The following RGS6 variants were observed in gnomAD, a reference collection of about 807,000 sequenced individuals.
The protein encoded by RGS6 is regulator of G protein signaling 6.
A neutral mutation model predicts 78.5 loss-of-function variants in RGS6; 30 were observed. The observed-to-expected ratio is 0.38, with a 90% CI of 0.29 to 0.52. The LOEUF is 0.52. Ranked by LOEUF, RGS6 falls within the 20% of genes least tolerant of loss-of-function variation. The probability of loss-of-function intolerance (pLI) is 0.85; values close to 1 mark genes in which losing one functional copy is unlikely to be tolerated. For missense variants in RGS6, 495 were observed against 609.7 expected, an observed-to-expected ratio of 0.81 and a Z score of 1.98; for synonymous variants, 206 against 206.0, an observed-to-expected ratio of 1.00 and a Z score of 0.00.
chr14:72,346,427 A>G (rs1045650983), intron 2 of RGS6, among the ~76,000 whole-genome samples: 2 of 152,182 alleles, frequency 1.3e-5, no homozygotes, highest in Non-Finnish European at 2.9e-5. Flanking sequence ...TTCTGATGCT[A>G]TCTGCCCAAC....
At chr14:72,520,254 T>C (rs2097017536) in intron 15 of RGS6, among the ~76,000 whole-genome samples, 1 of 152,240 alleles carries the variant, frequency 6.6e-6, no homozygotes, top group South Asian at 2.1e-4. Context: ...AGGATTTAGA[T>C]CCTTTGTCCT....
At chr14:72,097,787 C>T (rs2095440238) in intron 2 of RGS6, among the ~76,000 whole-genome samples, 1 of 152,162 alleles carries the variant, frequency 6.6e-6, no homozygotes, top group South Asian at 2.1e-4. Context: ...TTGTCCCCCA[C>T]ACCCACAATT....
chr14:71,938,326 G>A (rs145980135), intron 1 of RGS6, among the ~76,000 whole-genome samples: 37 of 152,242 alleles, frequency 2.4e-4, no homozygotes, highest in Non-Finnish European at 4.4e-4. Context: ...ATATATAATC[G>A]CATATTGGGC....
At chr14:72,339,202 T>G (rs2076550358) in intron 2 of RGS6, among the ~76,000 whole-genome samples, 4 of 152,000 alleles carry the variant, frequency 2.6e-5, no homozygotes. Context: ...TTGGAGGTGA[T>G]TAGGTCATTA....
intron 2 of RGS6, among the ~76,000 whole-genome samples, chr14:72,141,850 T>A (rs1034793156): frequency 3.9e-5 from 6 of 152,012 alleles, no homozygotes; most frequent in Middle Eastern, 6.8e-3. Flanking sequence ...CCATGTTCCT[T>A]ATGGTTCCTT....
chr14:72,029,523 T>G (rs1259992340), intron 2 of RGS6, among the ~76,000 whole-genome samples: 1 of 152,224 alleles, frequency 6.6e-6, no homozygotes, highest in Non-Finnish European at 1.5e-5. Context: ...CAGAGAGGGC[T>G]TGCCTCTTAT....
chr14:72,249,885 A>T (rs2055189444), intron 2 of RGS6, among the ~76,000 whole-genome samples: 1 of 152,094 alleles, frequency 6.6e-6, no homozygotes, highest in Admixed American at 6.5e-5. Context: ...TGTGGCACAT[A>T]TACACCATGG....
chr14:72,585,654 T>C, the RGS6 span, among the ~76,000 whole-genome samples: 1 of 152,230 alleles, frequency 6.6e-6, no homozygotes, highest in Admixed American at 6.5e-5. Flanking sequence ...AAGATGGCTG[T>C]CTTCAGCCAA....
chr14:72,131,409 A>G (rs148282764), intron 2 of RGS6, among the ~76,000 whole-genome samples: 322 of 152,332 alleles, frequency 2.1e-3, no homozygotes, highest in African/African-American at 6.7e-3. Flanking sequence ...TAAAATTGCA[A>G]TGCTCCCTTA....
At chr14:72,133,583 C>G (rs970329044) in intron 2 of RGS6, among the ~76,000 whole-genome samples, 4 of 152,132 alleles carry the variant, frequency 2.6e-5, no homozygotes, top group Admixed American at 6.6e-5. Flanking sequence ...CCTGGCTCCT[C>G]AAAACTCTAT....
intron 2 of RGS6, among the ~76,000 whole-genome samples, chr14:72,350,080 T>C (rs1160901680): frequency 6.6e-6 from 1 of 152,208 alleles, no homozygotes; most frequent in Non-Finnish European, 1.5e-5. Flanking sequence ...ACTGAGATGA[T>C]TAACATGAAT....
chr14:72,069,755 G>A (rs1055658342), intron 2 of RGS6, among the ~76,000 whole-genome samples: 2 of 152,092 alleles, frequency 1.3e-5, no homozygotes, highest in Non-Finnish European at 2.9e-5. Flanking sequence ...GGCCAGGCTG[G>A]TCTTGAACTC....
intron 2 of RGS6, among the ~76,000 whole-genome samples, chr14:72,248,396 C>CT (rs1365247304): frequency 6.6e-6 from 1 of 152,038 alleles, no homozygotes; most frequent in Non-Finnish European, 1.5e-5. Context: ...ATAAAAATTT[C>CT]CTATTTATGT....
upstream of RGS6, among the ~76,000 whole-genome samples, chr14:71,927,744 G>A (rs1027895549): frequency 4.0e-5 from 6 of 150,078 alleles, no homozygotes; most frequent in Admixed American, 2.7e-4. Flanking sequence ...TGCAAACTCC[G>A]CCTCCCTGGT....
intron 2 of RGS6, among the ~76,000 whole-genome samples, chr14:72,276,156 CA>C (rs1273986733): frequency 6.6e-6 from 1 of 152,164 alleles, no homozygotes; most frequent in Non-Finnish European, 1.5e-5. Context: ...GCTACCTTAT[CA>C]CTTTTTGCAC....
the RGS6 span, among the ~76,000 whole-genome samples, chr14:71,920,558 T>TA: frequency 6.6e-6 from 1 of 152,130 alleles, no homozygotes; most frequent in Non-Finnish European, 1.5e-5. Flanking sequence ...AAATAGAAAT[T>TA]AAAAAAACAC....
At chr14:72,122,488 G>A (rs2096074311) in intron 2 of RGS6, among the ~76,000 whole-genome samples, 1 of 152,128 alleles carries the variant, frequency 6.6e-6, no homozygotes, top group East Asian at 1.9e-4. Flanking sequence ...TCAAACCCAG[G>A]TTGTCTGAAG....
rs372490473 is a variant in RGS6, at chr14:72,403,143, C to G, written c.184+50949C>G. Among the ~76,000 whole-genome samples, 6 of 152,250 alleles carry G rather than the reference C, an allele frequency of 3.9e-5. No individual in the cohort carries two copies. The South Asian group carries it at 6.2e-4, about 16-fold the overall frequency. On this transcript the variant is annotated intron_variant, in intron 3 of 17. Coordinates refer to ENST00000553525, the MANE Select transcript of RGS6 (RefSeq NM_001204424.2). The stretch of plus-strand genomic sequence containing the variant: ...AGGAAACCAGCATATCAGAGGAATA[C>G]CTGCACCCCATGTTTATCACAGCAC...
chr14:72,136,278 T>G (rs6574047), intron 2 of RGS6, among the ~76,000 whole-genome samples: 45,710 of 151,954 alleles, frequency 0.3, 7,476 homozygotes, highest in African/African-American at 0.43. Context: ...CTGAGACTGT[T>G]GTCCAAGGAC....
Sources: gnomAD v4.1 joint callset for allele counts (sites outside exome capture counted in the v4.1 genomes callset) on GRCh38, gnomAD v4.1.1 for gene constraint, MANE v1.5 for transcripts, NCBI Gene and HGNC (gene_info 2026-07-23, HGNC 2026-07-21) for gene names.